IMMP2L: variants seen among roughly 807,000 people sequenced by gnomAD.
IMMP2L encodes the protein mitochondrial inner membrane protease subunit 2.
In IMMP2L, 18 loss-of-function variants were observed where a neutral mutation model predicts 19.3. The ratio of observed to expected loss-of-function variants is 0.93; its 90% CI spans 0.64 to 1.38. The LOEUF (loss-of-function observed/expected upper bound fraction) is 1.38. IMMP2L is among the 40% of genes most tolerant of loss of function. IMMP2L has a pLI of 0.00. For synonymous variants in IMMP2L, 76 were observed against 73.0 expected (o/e 1.04, Z -0.21); for missense variants, 233 against 218.2 (o/e 1.07, Z -0.43).
intron 3 of IMMP2L, among the ~76,000 whole-genome samples, chr7:111,106,610 G>A (rs979725558): frequency 6.6e-6 from 1 of 150,594 alleles, no homozygotes; most frequent in Non-Finnish European, 1.5e-5. Context: ...GCAAGAGTTG[G>A]TGAAGTATGG....
intron 4 of IMMP2L, among the ~76,000 whole-genome samples, chr7:110,936,124 A>G (rs1221497140): frequency 1.3e-5 from 2 of 152,348 alleles, no homozygotes; most frequent in Middle Eastern, 3.4e-3. Context: ...AACACTATTC[A>G]GGACATAGGC....
At chr7:111,182,368 T>A (rs1005916268) in intron 3 of IMMP2L, among the ~76,000 whole-genome samples, 1 of 151,876 alleles carries the variant, frequency 6.6e-6, no homozygotes. Context: ...GCAGAAGCTG[T>A]CCCAAGGTCT....
At chr7:110,714,607 T>C (rs1248621106) in intron 5 of IMMP2L, among the ~76,000 whole-genome samples, 1 of 152,114 alleles carries the variant, frequency 6.6e-6, no homozygotes, top group East Asian at 1.9e-4. Context: ...TTTGTTTGCT[T>C]GTTTGTTTAG....
chr7:111,095,738 A>G (rs1322439914), intron 3 of IMMP2L, among the ~76,000 whole-genome samples: 1 of 151,984 alleles, frequency 6.6e-6, no homozygotes, highest in African/African-American at 2.4e-5. Context: ...GGCTTTCCAC[A>G]TCTGTTTTTA....
At chr7:110,878,171 A>G (rs76690839) in intron 5 of IMMP2L, among the ~76,000 whole-genome samples, 1 of 152,258 alleles carries the variant, frequency 6.6e-6, no homozygotes, top group East Asian at 1.9e-4. Flanking sequence ...TTCTAGAGAT[A>G]CTCAGGAAAA....
intron 3 of IMMP2L, among the ~76,000 whole-genome samples, chr7:111,087,494 T>G (rs570047203): frequency 6.6e-6 from 1 of 151,016 alleles, no homozygotes; most frequent in Non-Finnish European, 1.5e-5. Flanking sequence ...AGAATAGCTA[T>G]AATTCAACTG....
At chr7:111,066,765 G>A (rs1794541328) in intron 3 of IMMP2L, among the ~76,000 whole-genome samples, 1 of 152,180 alleles carries the variant, frequency 6.6e-6, no homozygotes, top group Admixed American at 6.5e-5. Context: ...TGATTGCCTG[G>A]AGGCCTTGGG....
At chr7:111,442,032 G>T (rs1405861185) in intron 3 of IMMP2L, among the ~76,000 whole-genome samples, 1 of 151,680 alleles carries the variant, frequency 6.6e-6, no homozygotes, top group Non-Finnish European at 1.5e-5. Context: ...AGCTTCTCAG[G>T]AGGCTGAGGC....
intron 5 of IMMP2L, among the ~76,000 whole-genome samples, chr7:110,816,436 T>C (rs928384576): frequency 2.0e-5 from 3 of 149,592 alleles, no homozygotes; most frequent in Non-Finnish European, 4.5e-5. Flanking sequence ...GAAGAATGTA[T>C]ATTCTGTTGA....
At chr7:111,391,151 G>T (rs1563135471) in intron 3 of IMMP2L, among the ~76,000 whole-genome samples, 1 of 152,044 alleles carries the variant, frequency 6.6e-6, no homozygotes, top group Non-Finnish European at 1.5e-5. Context: ...AACGAAAGAT[G>T]TTCAAAGGAC....
At chr7:111,072,205 T>G (rs553746960) in intron 3 of IMMP2L, among the ~76,000 whole-genome samples, 1 of 152,326 alleles carries the variant, frequency 6.6e-6, no homozygotes, top group Admixed American at 6.5e-5. Context: ...ATGACAGAGT[T>G]AGAAACAATC....
chr7:111,333,196 T>C (rs540253295), intron 3 of IMMP2L, among the ~76,000 whole-genome samples: 1 of 152,306 alleles, frequency 6.6e-6, no homozygotes, highest in South Asian at 2.1e-4. Flanking sequence ...CGTGACCAGT[T>C]GCACAAACAA....
At chr7:111,012,600 GT>G (rs946714254) in intron 3 of IMMP2L, among the ~76,000 whole-genome samples, 9 of 152,104 alleles carry the variant, frequency 5.9e-5, no homozygotes, top group African/African-American at 2.2e-4. Flanking sequence ...CAGAAATTAT[GT>G]TTTAGAAGGC....
intron 3 of IMMP2L, among the ~76,000 whole-genome samples, chr7:111,484,999 G>A (rs1289998292): frequency 1.3e-5 from 2 of 151,966 alleles, no homozygotes; most frequent in African/African-American, 4.8e-5. Flanking sequence ...TGTTGCCCAG[G>A]CTGGTCTCAA....
At chr7:111,361,548 T>C (rs1829260252) in intron 3 of IMMP2L, among the ~76,000 whole-genome samples, 1 of 152,168 alleles carries the variant, frequency 6.6e-6, no homozygotes, top group African/African-American at 2.4e-5. Flanking sequence ...AATTTTTCCT[T>C]GCCAAATTAT....
intron 3 of IMMP2L, among the ~76,000 whole-genome samples, chr7:111,078,960 C>T (rs1052810793): frequency 6.6e-6 from 1 of 151,926 alleles, no homozygotes; most frequent in East Asian, 1.9e-4. Flanking sequence ...GAACTCCTGA[C>T]CTGAGGTGAT....
At chr7:110,811,025 G>C (rs1801998187) in intron 5 of IMMP2L, among the ~76,000 whole-genome samples, 3 of 152,046 alleles carry the variant, frequency 2.0e-5, no homozygotes, top group African/African-American at 7.2e-5. Context: ...TTGAGGATAT[G>C]GGGGACAGAT....
intron 3 of IMMP2L, among the ~76,000 whole-genome samples, chr7:111,180,503 T>C (rs945765321): frequency 6.6e-5 from 10 of 151,934 alleles, no homozygotes; most frequent in Non-Finnish European, 1.2e-4. Context: ...ACAGCAAAGA[T>C]TACTAATCAC....
intron 3 of IMMP2L, among the ~76,000 whole-genome samples, chr7:111,239,289 T>C (rs1397679779): frequency 6.6e-6 from 1 of 151,926 alleles, no homozygotes; most frequent in African/African-American, 2.4e-5. Flanking sequence ...CATATAATAT[T>C]CTTTATGATC....
Sources: gnomAD v4.1 joint callset for allele counts (sites outside exome capture counted in the v4.1 genomes callset) on GRCh38, gnomAD v4.1.1 for gene constraint, MANE v1.5 for transcripts, NCBI Gene and HGNC (gene_info 2026-07-23, HGNC 2026-07-21) for gene names.